FGF2: variants seen among roughly 807,000 people sequenced by gnomAD.
FGF2 encodes the protein fibroblast growth factor 2, also known as basic fibroblast growth factor bFGF.
FGF2 carries 13 observed loss-of-function variants against 15.9 expected under a neutral mutation model. That is an observed-to-expected ratio of 0.82 (90% confidence interval 0.53 to 1.30). The LOEUF (loss-of-function observed/expected upper bound fraction) is 1.30, where lower values mean the gene tolerates loss of function less well. FGF2 is among the 50% of genes most tolerant of loss of function. The pLI is 0.00. For missense variants in FGF2, 163 were observed against 196.9 expected (o/e 0.83, Z 1.03); for synonymous variants, 90 against 78.4 (o/e 1.15, Z -0.78).
intron 1 of FGF2, among the ~76,000 whole-genome samples, chr4:122,845,445 G>A (rs1726090635): frequency 6.6e-6 from 1 of 152,178 alleles, no homozygotes; most frequent in African/African-American, 2.4e-5. Context: ...CTCCTCTCTA[G>A]CTGTGAAAAT....
rs1322014710 is a variant in FGF2 at position 122,898,217 on chromosome 4, T to G, written c.*5821T>G. 6.6e-6 allele frequency: 1 copy of G among 152,322 alleles called. No individual in the cohort carries two copies. Among genetic ancestry groups the G allele is most frequent in the Non-Finnish European group, 1.5e-5 (1 of 68,050 alleles). 9.4% of individuals were successfully genotyped at this position (152,322 alleles called of 1,614,324 possible). A position where few individuals can be genotyped will look rare whatever the true frequency, so the allele number is the denominator to read the frequency against. On this transcript the variant is annotated 3_prime_UTR_variant, in exon 3 of 3. Transcript: ENST00000644866. ...AGTAGTATGAATAAAATTGATTAGT[T>G]TGTGTTTTCTTGTCTCCCATTTCTT...
intron 1 of FGF2, among the ~76,000 whole-genome samples, chr4:122,834,538 A>G: frequency 6.6e-6 from 1 of 152,176 alleles, no homozygotes; most frequent in Non-Finnish European, 1.5e-5. Context: ...CTACTCTGAC[A>G]TGTGGCAGTA....
chr4:122,886,714 A>G (rs996462104), intron 2 of FGF2, among the ~76,000 whole-genome samples: 1 of 152,082 alleles, frequency 6.6e-6, no homozygotes, highest in Admixed American at 6.5e-5. Flanking sequence ...CCTCTTTGAC[A>G]TACTCTCAAC....
intron 2 of FGF2, among the ~76,000 whole-genome samples, chr4:122,888,237 A>C (rs1227773694): frequency 6.6e-6 from 1 of 152,136 alleles, no homozygotes; most frequent in South Asian, 2.1e-4. Flanking sequence ...AACCCTATTA[A>C]GTCTACCTTC....
chr4:122,851,791 C>T (rs943108833), intron 1 of FGF2, among the ~76,000 whole-genome samples: 6 of 152,186 alleles, frequency 3.9e-5, no homozygotes, highest in Non-Finnish European at 7.3e-5. Context: ...AGCTCATTCT[C>T]ACAGTTTCAT....
intron 1 of FGF2, among the ~76,000 whole-genome samples, chr4:122,867,500 G>A (rs1726625328): frequency 6.6e-6 from 1 of 152,190 alleles, no homozygotes; most frequent in South Asian, 2.1e-4. Context: ...ATTTTTTTCT[G>A]TTAAAAATAT....
Position 122,826,931 on chromosome 4 carries a change from C to G in FGF2, c.-244C>G, listed in dbSNP as rs1449683. 1 of 1,478,194 alleles carries G rather than the reference C, an allele frequency of 6.8e-7. No individual in the cohort carries two copies. Among genetic ancestry groups the G allele is most frequent in the Non-Finnish European group, 9.0e-7 (1 of 1,114,464 alleles). 91.6% of individuals were successfully genotyped at this position (1,478,194 alleles called of 1,614,324 possible). A position where few individuals can be genotyped will look rare whatever the true frequency, so the allele number is the denominator to read the frequency against. Reference sequence around the variant, plus strand: ...GGCGGCGTCCGCGGAGACACCCATCCGTGAACCCCAGGTCCCGGGCCGCCG... The same window carrying G: ...GGCGGCGTCCGCGGAGACACCCATCGGTGAACCCCAGGTCCCGGGCCGCCG... On this transcript the variant is annotated 5_prime_UTR_variant, in exon 1 of 3. Coordinates refer to ENST00000644866, the MANE Select transcript of FGF2 (RefSeq NM_001361665.2).
chr4:122,826,742 G>A (rs1398418955), upstream of FGF2: 91 of 1,271,784 alleles, frequency 7.2e-5, no homozygotes, highest in Non-Finnish European at 8.7e-5. Context: ...AGGGGGCGGC[G>A]CGCAGGAGGG....
Position 122,833,139 on chromosome 4 carries a change from G to A in FGF2, c.178+5787G>A, listed in dbSNP as rs77242733. ...CAAGGTGACTTTTGACTTGACCGGT[G>A]TATCTTTGATACTTACTCATTTACA... On this transcript the variant is annotated intron_variant, in intron 1 of 2. Transcript: ENST00000644866. Among the ~76,000 whole-genome samples the A allele has an allele frequency of 4.5e-4, 69 of 152,158 alleles. 1 individual carries two copies. The East Asian group carries it at 0.011, about 24-fold the overall frequency.
At chr4:122,885,065 G>A (rs1032461429) in intron 2 of FGF2, among the ~76,000 whole-genome samples, 2 of 152,098 alleles carry the variant, frequency 1.3e-5, no homozygotes, top group African/African-American at 4.8e-5. Flanking sequence ...TGTCAAGTTT[G>A]GATAGTCAAC....
chr4:122,827,124 C>T lies in FGF2; in HGVS notation c.-51C>T. 1 of 1,292,838 alleles carries T rather than the reference C, an allele frequency of 7.7e-7. No individual in the cohort carries two copies. The allele number at this position is 1,292,838 out of a possible 1,614,324, so 80.1% of individuals were successfully genotyped here. ...GGGCCGGGGCCGGGGGACGGCGGCT[C>T]CCCGCGCGGCTCCAGCGGCTCGGGG... On this transcript the variant is annotated 5_prime_UTR_variant, in exon 1 of 3. Coordinates refer to ENST00000644866, the MANE Select transcript of FGF2 (RefSeq NM_001361665.2). This position sits in a 1 kb window ranked among gnomAD's most constrained non-coding sequence, Gnocchi z 4.2.
At chr4:122,892,087 C>A in intron 2 of FGF2, 124 bp from the exon 3 acceptor site, 2 of 863,354 alleles carry the variant, frequency 2.3e-6, no homozygotes, top group Non-Finnish European at 1.8e-6. Flanking sequence ...GATTGCCCTG[C>A]TGAACCCAAC....
chr4:122,892,813 CAT>C lies in FGF2; in HGVS notation c.*421_*422del. The C allele has an allele frequency of 6.4e-7, 1 of 1,568,944 alleles. No homozygotes were observed. The highest frequency in any genetic ancestry group is 8.7e-7 in the Non-Finnish European group (1 of 1,151,528). The stretch of plus-strand genomic sequence containing the variant: ...ATTCGTTAGTCTACATGTTTCTAAA[CAT>C]ATAAATGTGAATTTAATCAATTCCT... On this transcript the variant is annotated 3_prime_UTR_variant, in exon 3 of 3. Coordinates refer to ENST00000644866, the MANE Select transcript of FGF2 (RefSeq NM_001361665.2).
rs77867133 is a variant in FGF2, at chr4:122,876,099, A to T, written c.179-222A>T. On this transcript the variant is annotated intron_variant, in intron 1 of 2. Coordinates refer to ENST00000644866, the MANE Select transcript of FGF2 (RefSeq NM_001361665.2). Reference sequence around the variant, plus strand: ...CCCTGTGACACAGGAGCGACAAGGAACTCACAAGGCACTGGTGCCCTAGTA... The same window carrying T: ...CCCTGTGACACAGGAGCGACAAGGATCTCACAAGGCACTGGTGCCCTAGTA... 2.2e-4 allele frequency among the ~76,000 whole-genome samples: 34 copies of T among 152,196 alleles called. No individual in the cohort carries two copies. In the East Asian group the frequency reaches 6.0e-3, roughly 27 times the overall value.
chr4:122,846,122 CAG>C (rs961913491), intron 1 of FGF2, among the ~76,000 whole-genome samples: 9 of 152,248 alleles, frequency 5.9e-5, no homozygotes, highest in African/African-American at 1.7e-4. Context: ...GTGGTGGAGA[CAG>C]GGGAACATTC....
intron 1 of FGF2, among the ~76,000 whole-genome samples, chr4:122,847,243 T>C (rs886315259): frequency 3.3e-5 from 5 of 152,198 alleles, no homozygotes; most frequent in Non-Finnish European, 7.3e-5. Flanking sequence ...GGTGAGAGAA[T>C]TATAACCGTA....
intron 1 of FGF2, among the ~76,000 whole-genome samples, chr4:122,871,659 TGTTCTCTA>T (rs1726736210): frequency 6.6e-6 from 1 of 152,004 alleles, no homozygotes; most frequent in African/African-American, 2.4e-5. Context: ...CCATCTTTGC[TGTTCTCTA>T]GCCTCCTTGA....
intron 2 of FGF2, among the ~76,000 whole-genome samples, chr4:122,891,026 T>G (rs1479169344): frequency 6.5e-5 from 8 of 123,652 alleles, no homozygotes; most frequent in Non-Finnish European, 1.1e-4. Flanking sequence ...TTTATCTTTT[T>G]TTTTTTTTTG....
intron 1 of FGF2, among the ~76,000 whole-genome samples, chr4:122,872,875 G>A (rs1421924791): frequency 6.6e-6 from 1 of 152,174 alleles, no homozygotes; most frequent in South Asian, 2.1e-4. Context: ...CCTGAAAGGA[G>A]CACTCAATAT....
Sources: gnomAD v4.1 joint callset for allele counts (sites outside exome capture counted in the v4.1 genomes callset) on GRCh38, gnomAD v4.1.1 for gene constraint, Gnocchi (gnomAD v3.1) non-coding constraint, MANE v1.5 for transcripts, NCBI Gene and HGNC (gene_info 2026-07-23, HGNC 2026-07-21) for gene names.